The following PARP9 variants were observed in gnomAD, a reference collection of about 807,000 sequenced individuals.
PARP9 encodes the protein poly(ADP-ribose) polymerase family member 9, also known as protein mono-ADP-ribosyltransferase PARP9.
In PARP9, 48 loss-of-function variants were observed where a neutral mutation model predicts 68.8. The observed-to-expected ratio is 0.70, with a 90% confidence interval of 0.55 to 0.89. PARP9 has a LOEUF of 0.89. PARP9 is among the 40% of genes least tolerant of loss of function. The pLI, the probability that PARP9 is intolerant of heterozygous loss-of-function variation, is 0.00. For missense variants in PARP9, 806 were observed against 969.3 expected, an observed-to-expected ratio of 0.83 and a Z score of 2.24; for synonymous variants, 309 against 333.8, an observed-to-expected ratio of 0.93 and a Z score of 0.81.
chr3:122,551,443 C>T (rs1218457282), intron 5 of PARP9, among the ~76,000 whole-genome samples: 1 of 152,138 alleles, frequency 6.6e-6, no homozygotes, highest in Non-Finnish European at 1.5e-5. Context: ...TTAAGTTTCC[C>T]TCTTTTCACC....
rs756098453 is a variant in PARP9 at position 122,540,848 on chromosome 3, G to A, written c.1389C>T (p.Pro463=). The A allele has an allele frequency of 6.2e-7, 1 of 1,612,358 alleles. No individual in the cohort carries two copies. The highest frequency in any genetic ancestry group is 8.5e-7 in the Non-Finnish European group (1 of 1,179,296). Residue 463 remains proline (P), a synonymous_variant, in exon 8 of 11, where the codon CCC becomes CCT. Coordinates refer to ENST00000682323, the MANE Select transcript of PARP9 (RefSeq NM_001146105.2). ...KMLSLNNYSV[P]QSTREEKREN... ...CTCTTTTCTCCTCTCTGGTTGACTGGGGGACTGAAATGACTATAATAAGCA... is the reference window on the plus strand; with the variant it reads ...CTCTTTTCTCCTCTCTGGTTGACTGAGGGACTGAAATGACTATAATAAGCA...
At chr3:122,560,164 T>C (rs2080069438) in intron 1 of PARP9, among the ~76,000 whole-genome samples, 1 of 151,562 alleles carries the variant, frequency 6.6e-6, no homozygotes, top group South Asian at 2.1e-4. Flanking sequence ...GTGAGGGGGG[T>C]GTATTATTGA....
chr3:122,529,115 G>T (rs527761780), intron 10 of PARP9, among the ~76,000 whole-genome samples: 1 of 151,740 alleles, frequency 6.6e-6, no homozygotes, highest in South Asian at 2.1e-4. Flanking sequence ...GCAGGCACCT[G>T]CAATCCCAGC....
At chr3:122,559,573 G>T in intron 2 of PARP9, 33 bp downstream of exon 2, 1 of 1,566,602 alleles carries the variant, frequency 6.4e-7, no homozygotes, top group Non-Finnish European at 8.7e-7. Flanking sequence ...TGCTGATCAA[G>T]GTTCATGACG....
intron 1 of PARP9, among the ~76,000 whole-genome samples, chr3:122,563,698 T>C (rs1161186591): frequency 6.6e-6 from 1 of 151,964 alleles, no homozygotes; most frequent in Non-Finnish European, 1.5e-5. Flanking sequence ...TCAGGTGCTT[T>C]TCCCCCCAAT....
At chr3:122,564,212 C>T in intron 1 of PARP9, 33 bp downstream of exon 1, 1 of 544,460 alleles carries the variant, frequency 1.8e-6, no homozygotes, top group Non-Finnish European at 3.1e-6. Flanking sequence ...GGAGAGGGGA[C>T]CCCGAGGGCC....
intron 6 of PARP9, among the ~76,000 whole-genome samples, chr3:122,550,203 C>A (rs981883317): frequency 6.6e-6 from 1 of 152,096 alleles, no homozygotes; most frequent in African/African-American, 2.4e-5. Context: ...CCTCAGCCTC[C>A]CTAGTAGCTG....
intron 6 of PARP9, among the ~76,000 whole-genome samples, chr3:122,548,735 A>G (rs1295041416): frequency 6.6e-6 from 1 of 152,170 alleles, no homozygotes; most frequent in Admixed American, 6.6e-5. Context: ...CCCCTCCAAC[A>G]CATGGACCCC....
At chr3:122,554,600 T>C (rs1226688557) in intron 4 of PARP9, among the ~76,000 whole-genome samples, 1 of 152,204 alleles carries the variant, frequency 6.6e-6, no homozygotes, top group Non-Finnish European at 1.5e-5. Flanking sequence ...ATATAAATGC[T>C]ATTATTATCC....
chr3:122,539,524 T>C (rs573655183), intron 8 of PARP9, among the ~76,000 whole-genome samples: 10 of 31,746 alleles, frequency 3.2e-4, no homozygotes, highest in South Asian at 9.8e-4. Context: ...TCTTTCTTTC[T>C]TTCTTTCTTT....
intron 10 of PARP9, chr3:122,535,090 C>T (rs1006805047): frequency 9.1e-6 from 9 of 983,750 alleles, no homozygotes; most frequent in African/African-American, 5.3e-5. Context: ...AAGAGCACAG[C>T]GATGATCTTA....
At chr3:122,535,806 A>AG in intron 10 of PARP9, 1 of 1,087,520 alleles carries the variant, frequency 9.2e-7, no homozygotes, top group Non-Finnish European at 1.1e-6. Flanking sequence ...AGGACGGTTC[A>AG]GTGCTGTTGG....
chr3:122,561,297 A>G (rs910084277), intron 1 of PARP9, among the ~76,000 whole-genome samples: 2 of 152,156 alleles, frequency 1.3e-5, no homozygotes, highest in African/African-American at 4.8e-5. Context: ...CATCTCTACT[A>G]AAAATACAAA....
Position 122,534,055 on chromosome 3 carries a change from A to C in PARP9, c.2080+2113T>G, listed in dbSNP as rs2107562284. ...AGGTCACATTATGAGTCATGTCTGA[A>C]TTGCCTCAAGGCAGTGGCTGTTAAG... On this transcript the variant is annotated intron_variant, in intron 10 of 10. Coordinates refer to ENST00000682323, the MANE Select transcript of PARP9 (RefSeq NM_001146105.2). The C allele has an allele frequency of 1.0e-5, 10 of 985,514 alleles. No individual in the cohort carries two copies. In the South Asian group the frequency reaches 4.7e-4, roughly 46 times the overall value. The allele number at this position is 985,514 out of a possible 1,614,324, so 61.0% of individuals were successfully genotyped here.
chr3:122,535,101 A>G (rs184732732), intron 10 of PARP9: 3 of 983,754 alleles, frequency 3.0e-6, no homozygotes, highest in African/African-American at 3.5e-5. Context: ...GATGATCTTA[A>G]TGAAAGTAAT....
intron 2 of PARP9, 148 bp from the exon 3 acceptor site, chr3:122,558,615 A>C: frequency 3.3e-6 from 3 of 907,430 alleles, no homozygotes; most frequent in Non-Finnish European, 4.9e-6. Context: ...TGTTTTTTTA[A>C]ATCTGCATGC....
intron 1 of PARP9, among the ~76,000 whole-genome samples, chr3:122,561,692 G>T (rs1258129814): frequency 1.3e-5 from 2 of 152,018 alleles, no homozygotes; most frequent in East Asian, 3.9e-4. Context: ...TTAATTGTTT[G>T]CCCCAGGATT....
upstream of PARP9, chr3:122,564,372 C>A: frequency 6.5e-7 from 1 of 1,547,296 alleles, no homozygotes; most frequent in East Asian, 2.3e-5. Flanking sequence ...GCGGGCCGCG[C>A]CTTTACCGCC....
chr3:122,556,132 A>G lies in PARP9; in HGVS notation c.50-11T>C. 1.4e-6 allele frequency: 1 copy of G among 724,962 alleles called. No homozygotes were observed. Among genetic ancestry groups the G allele is most frequent in the Non-Finnish European group, 2.1e-6 (1 of 470,088 alleles). 44.9% of individuals were successfully genotyped at this position (724,962 alleles called of 1,614,324 possible). A position where few individuals can be genotyped will look rare whatever the true frequency, so the allele number is the denominator to read the frequency against. ...CAAGAGCACCAGTCTCTGGAAAAGA[A>G]GAGAAGATTAAAAAAAAAAAAAAAA... On this transcript the variant is annotated splice_polypyrimidine_tract_variant and intron_variant, in intron 3 of 10. Transcript: ENST00000682323.
Sources: gnomAD v4.1 joint callset for allele counts (sites outside exome capture counted in the v4.1 genomes callset) on GRCh38, gnomAD v4.1.1 for gene constraint, MANE v1.5 for transcripts, NCBI Gene and HGNC (gene_info 2026-07-23, HGNC 2026-07-21) for gene names.